The following RBPJ variants were observed in gnomAD, a reference collection of about 807,000 sequenced individuals.
RBPJ encodes recombination signal binding protein for immunoglobulin kappa J region, also known as recombining binding protein suppressor of hairless.
Under a neutral mutation model 67.8 loss-of-function variants are expected in RBPJ, and 9 were observed. The ratio of observed to expected loss-of-function variants is 0.13; its 90% confidence interval spans 0.08 to 0.23. RBPJ has a LOEUF of 0.23. Ranked by LOEUF, RBPJ falls within the 10% of genes least tolerant of loss-of-function variation. RBPJ has a pLI of 1.00. For synonymous variants in RBPJ, 198 were observed against 203.3 expected (o/e 0.97, Z 0.22); for missense variants, 305 against 595.6 (o/e 0.51, Z 5.08).
chr4:26,205,674 C>A (rs1718144659), intron 1 of RBPJ, among the ~76,000 whole-genome samples: 2 of 152,094 alleles, frequency 1.3e-5, no homozygotes, highest in Admixed American at 6.6e-5. Context: ...CTCACTGTAA[C>A]CTCCACCTCC....
At chr4:26,398,276 C>T (rs1474556801) in intron 2 of RBPJ, among the ~76,000 whole-genome samples, 1 of 152,128 alleles carries the variant, frequency 6.6e-6, no homozygotes, top group African/African-American at 2.4e-5. Flanking sequence ...CTCCTCTTCC[C>T]TCTCTCCCAC....
intron 2 of RBPJ, among the ~76,000 whole-genome samples, chr4:26,386,834 T>G (rs1476833459): frequency 1.3e-5 from 2 of 152,196 alleles, no homozygotes; most frequent in African/African-American, 4.8e-5. Flanking sequence ...AATATACATT[T>G]TAATTATGAA....
the RBPJ span, among the ~76,000 whole-genome samples, chr4:26,134,972 C>A: frequency 6.6e-6 from 1 of 152,194 alleles, no homozygotes; most frequent in Non-Finnish European, 1.5e-5. Flanking sequence ...GGCAGGTCTT[C>A]GGTACCACAG....
the RBPJ span, among the ~76,000 whole-genome samples, chr4:26,156,075 C>T: frequency 8.5e-4 from 129 of 152,276 alleles, no homozygotes; most frequent in African/African-American, 2.9e-3. Flanking sequence ...AGGCAGGAAG[C>T]TTAACCTGTG....
rs1233041737 is a variant in RBPJ, at chr4:26,432,374, AT to A, written c.*1368del. 6.6e-6 allele frequency: 1 copy of A among 152,244 alleles called. No individual in the cohort carries two copies. Among genetic ancestry groups the A allele is most frequent in the Non-Finnish European group, 1.5e-5 (1 of 68,048 alleles). 9.4% of individuals were successfully genotyped at this position (152,244 alleles called of 1,614,324 possible). Reference sequence around the variant, plus strand: ...ATAGTTGTAAGATTATAAAATGCAAATGTAACTTATGTTTTCATTTTTTTCT... The same window carrying A: ...ATAGTTGTAAGATTATAAAATGCAAAGTAACTTATGTTTTCATTTTTTTCT... On this transcript the variant is annotated 3_prime_UTR_variant, in exon 11 of 11. Transcript: ENST00000355476.
chr4:26,294,582 A>C (rs556832384), intron 1 of RBPJ, among the ~76,000 whole-genome samples: 1 of 152,298 alleles, frequency 6.6e-6, no homozygotes, highest in African/African-American at 2.4e-5. Flanking sequence ...GAAGATGGTC[A>C]AAATTTTTAT....
intron 2 of RBPJ, among the ~76,000 whole-genome samples, chr4:26,402,184 A>T (rs889321217): frequency 5.3e-5 from 8 of 152,016 alleles, no homozygotes; most frequent in Non-Finnish European, 8.8e-5. Context: ...CACTGCGCCC[A>T]GCCTGCTTTT....
chr4:26,138,822 G>A, the RBPJ span, among the ~76,000 whole-genome samples: 2 of 152,234 alleles, frequency 1.3e-5, no homozygotes, highest in South Asian at 4.1e-4. Flanking sequence ...GGCCAATCTT[G>A]CTGACCTGGG....
chr4:26,353,840 G>T (rs1727064555), intron 1 of RBPJ, among the ~76,000 whole-genome samples: 1 of 151,472 alleles, frequency 6.6e-6, no homozygotes, highest in African/African-American at 2.4e-5. Flanking sequence ...TGAATTCCTG[G>T]ACCTCAGGTG....
chr4:26,299,110 A>C (rs1721983713), intron 1 of RBPJ, among the ~76,000 whole-genome samples: 1 of 152,198 alleles, frequency 6.6e-6, no homozygotes, highest in African/African-American at 2.4e-5. Flanking sequence ...TTCTACCTCA[A>C]AAAAATAAAG....
intron 1 of RBPJ, among the ~76,000 whole-genome samples, chr4:26,166,486 T>G (rs551951703): frequency 6.1e-5 from 9 of 148,760 alleles, no homozygotes; most frequent in African/African-American, 2.2e-4. Context: ...GAGCATTTTT[T>G]CATGTGTTTT....
At chr4:26,155,176 T>C in the RBPJ span, among the ~76,000 whole-genome samples, 1 of 152,212 alleles carries the variant, frequency 6.6e-6, no homozygotes, top group Non-Finnish European at 1.5e-5. Context: ...TATGCATTAA[T>C]CCCAACCATT....
At chr4:26,156,886 A>G in the RBPJ span, among the ~76,000 whole-genome samples, 4 of 142,170 alleles carry the variant, frequency 2.8e-5, no homozygotes, top group East Asian at 6.5e-4. Flanking sequence ...CCTGGGCAAC[A>G]TGGTGAAACC....
intron 2 of RBPJ, among the ~76,000 whole-genome samples, chr4:26,388,749 A>G (rs1184216611): frequency 6.6e-6 from 1 of 152,250 alleles, no homozygotes; most frequent in Non-Finnish European, 1.5e-5. Context: ...GATACTATCT[A>G]AAATGAAGCA....
chr4:26,217,814 T>C (rs1718766776), intron 1 of RBPJ, among the ~76,000 whole-genome samples: 1 of 152,224 alleles, frequency 6.6e-6, no homozygotes, highest in South Asian at 2.1e-4. Flanking sequence ...TAGCTGGGGC[T>C]GTCTTCAGAG....
chr4:26,191,198 TATATATATATATAGAGAGAGAGAG>T (rs1185776267), intron 1 of RBPJ, among the ~76,000 whole-genome samples: 10 of 28,978 alleles, frequency 3.5e-4, no homozygotes, highest in African/African-American at 1.1e-3. Flanking sequence ...TATATATATA[TATATATATATATAGAGAGAGAGAG>T]AGAGAGAGAG....
At chr4:26,307,130 C>A (rs1440804483) in intron 1 of RBPJ, among the ~76,000 whole-genome samples, 3 of 152,078 alleles carry the variant, frequency 2.0e-5, no homozygotes, top group African/African-American at 7.2e-5. Context: ...GTAAATCATA[C>A]CCTCCGAGGC....
At chr4:26,385,923 C>T (rs1730870929) in intron 1 of RBPJ, among the ~76,000 whole-genome samples, 1 of 152,044 alleles carries the variant, frequency 6.6e-6, no homozygotes, top group Non-Finnish European at 1.5e-5. Flanking sequence ...CCACTTCAGC[C>T]TCCTGAGTAG....
chr4:26,327,426 T>C (rs1437426197), intron 1 of RBPJ, among the ~76,000 whole-genome samples: 1 of 150,958 alleles, frequency 6.6e-6, no homozygotes, highest in Non-Finnish European at 1.5e-5. Context: ...TTACAAAAAA[T>C]AAAATATAGA....
Sources: allele counts gnomAD v4.1 joint callset (sites outside exome capture counted in the v4.1 genomes callset), GRCh38; gene constraint gnomAD v4.1.1; transcripts MANE v1.5; gene names NCBI Gene and HGNC (gene_info 2026-07-23, HGNC 2026-07-21).